TET2: variants seen among roughly 807,000 people sequenced by gnomAD.
TET2 encodes the protein methylcytosine dioxygenase TET2.
Under a neutral mutation model 142.9 loss-of-function variants are expected in TET2, and 299 were observed. The ratio of observed to expected loss-of-function variants is 2.09; its 90% CI spans 1.90 to 2.30. The LOEUF (loss-of-function observed/expected upper bound fraction) is 2.30, where lower values mean the gene tolerates loss of function less well. Ranked by LOEUF, TET2 falls within the 30% of genes most tolerant of loss-of-function variation. The pLI, the probability that TET2 is intolerant of heterozygous loss-of-function variation, is 0.00. For synonymous variants in TET2, 819 were observed against 849.0 expected, an observed-to-expected ratio of 0.96 and a Z score of 0.61; for missense variants, 2,418 against 2,378.0, an observed-to-expected ratio of 1.02 and a Z score of -0.35.
intron 6 of TET2, among the ~76,000 whole-genome samples, chr4:105,250,583 A>T (rs1729823301): frequency 6.6e-6 from 1 of 151,696 alleles, no homozygotes; most frequent in Non-Finnish European, 1.5e-5. Context: ...CAATTTGGAG[A>T]GTATTGATAT....
At chr4:105,162,727 T>A (rs12507519) in intron 1 of TET2, among the ~76,000 whole-genome samples, 5,327 of 152,330 alleles carry the variant, frequency 0.035, 118 homozygotes, top group Admixed American at 0.053. Context: ...TTCTTTTTTT[T>A]AAGTGTTTAT....
intron 10 of TET2, among the ~76,000 whole-genome samples, chr4:105,274,276 G>T (rs1247019559): frequency 6.6e-6 from 1 of 152,172 alleles, no homozygotes; most frequent in Non-Finnish European, 1.5e-5. Context: ...ACTTTTTAAA[G>T]TGAGGTCAAA....
Position 105,258,986 on chromosome 4 carries a change from T to C in TET2, c.3804-633T>C, listed in dbSNP as rs1007838032. Reference sequence around the variant, plus strand: ...TCAATGAAAATGAATAAAGTACAACTACATGCAGTGATTTGGATGGATATC... The same window carrying C: ...TCAATGAAAATGAATAAAGTACAACCACATGCAGTGATTTGGATGGATATC... On this transcript the variant is annotated intron_variant, in intron 6 of 10. Transcript: ENST00000380013. Among the ~76,000 whole-genome samples the C allele has an allele frequency of 3.3e-5, 5 of 152,286 alleles. No homozygotes were observed. The East Asian group carries it at 7.7e-4, about 23-fold the overall frequency.
In TET2 at chr4:105,237,322, AATATG is replaced by A; in HGVS notation, c.3383_3387del (p.Tyr1128PhefsTer12). 1 of 1,614,166 alleles carries A rather than the reference AATATG, an allele frequency of 6.2e-7. No homozygotes were observed. The highest frequency in any genetic ancestry group is 8.5e-7 in the Non-Finnish European group (1 of 1,179,990). On this transcript the variant is annotated frameshift_variant, in exon 3 of 11. Coordinates refer to ENST00000380013, the MANE Select transcript of TET2 (RefSeq NM_001127208.3). LOFTEE classifies it high-confidence loss of function. ...TTATTGGATACACCTGTCAAGACTC[AATATG>A]ATTTCCCATCTTGCAGATGTGTAGG...
intron 8 of TET2, among the ~76,000 whole-genome samples, chr4:105,266,214 C>T (rs2110295218): frequency 1.3e-5 from 2 of 152,224 alleles, no homozygotes; most frequent in Middle Eastern, 6.8e-3. Flanking sequence ...CTTCATAATA[C>T]TATTCATAAT....
intron 6 of TET2, among the ~76,000 whole-genome samples, chr4:105,249,725 T>C (rs988149198): frequency 6.6e-6 from 1 of 152,252 alleles, no homozygotes; most frequent in Non-Finnish European, 1.5e-5. Flanking sequence ...ATTGACCATG[T>C]ATTTTTTTGA....
At chr4:105,262,247 T>C (rs1316580524) in intron 8 of TET2, among the ~76,000 whole-genome samples, 4 of 152,216 alleles carry the variant, frequency 2.6e-5, no homozygotes, top group Non-Finnish European at 5.9e-5. Context: ...CTTACAAATA[T>C]TCACATAAAG....
intron 6 of TET2, among the ~76,000 whole-genome samples, chr4:105,248,681 CT>C (rs1472395150): frequency 5.3e-5 from 8 of 152,202 alleles, no homozygotes; most frequent in Admixed American, 5.2e-4. Context: ...AAAATTTACC[CT>C]TTTAAAGTAT....
chr4:105,267,131 A>C (rs999048800), intron 8 of TET2, among the ~76,000 whole-genome samples: 1 of 152,054 alleles, frequency 6.6e-6, no homozygotes, highest in African/African-American at 2.4e-5. Context: ...AGAAATATAT[A>C]ACCAATGAAA....
At chr4:105,253,935 G>A (rs1156957127) in intron 6 of TET2, among the ~76,000 whole-genome samples, 1 of 152,056 alleles carries the variant, frequency 6.6e-6, no homozygotes, top group Non-Finnish European at 1.5e-5. Flanking sequence ...ATTACCATAT[G>A]ATTTTTCTTT....
chr4:105,265,630 T>C (rs1290333622), intron 8 of TET2, among the ~76,000 whole-genome samples: 1 of 152,196 alleles, frequency 6.6e-6, no homozygotes, highest in Non-Finnish European at 1.5e-5. Flanking sequence ...CAAATACATA[T>C]ATGAATCCAA....
chr4:105,212,596 C>T (rs1727235682), intron 2 of TET2, among the ~76,000 whole-genome samples: 1 of 151,938 alleles, frequency 6.6e-6, no homozygotes, highest in Non-Finnish European at 1.5e-5. Flanking sequence ...TATGGCTGGT[C>T]TATATTTTCT....
In TET2 at chr4:105,236,996, T is replaced by C. The variant is rs752113208; in HGVS notation, c.3054T>C (p.Asn1018=). 3 of 1,614,012 alleles carry C rather than the reference T, an allele frequency of 1.9e-6. No homozygotes were observed. Among genetic ancestry groups the C allele is most frequent in the African/African-American group, 2.7e-5 (2 of 74,924 alleles). ...AGAATCCACCTGCAAGCTGTGATAA[T>C]GTGCAGCAAAAGAGCATCATTGAGA... ...KQENPPASCD[N]VQQKSIIETM... is the part of the protein sequence containing the mutation. Residue 1018 remains asparagine, a synonymous_variant, in exon 3 of 11, where the codon AAT becomes AAC. Coordinates refer to ENST00000380013, the MANE Select transcript of TET2 (RefSeq NM_001127208.3).
chr4:105,153,738 C>T (rs559244950), intron 1 of TET2, among the ~76,000 whole-genome samples: 1 of 152,320 alleles, frequency 6.6e-6, no homozygotes. Context: ...CTTTTAATCA[C>T]TATATTATAC....
chr4:105,246,937 T>C lies in TET2; in HGVS notation c.3803+3159T>C, dbSNP rs1269353474. Among the ~76,000 whole-genome samples, 3 of 152,342 alleles carry C rather than the reference T, an allele frequency of 2.0e-5. No individual in the cohort carries two copies. In the East Asian group the frequency reaches 5.8e-4, roughly 29 times the overall value. ...TCTTTAAAGATTTCCCTTTGAGATTTCCATTTTATGACTAAGTCTAACCAG... is the reference window on the plus strand; with the variant it reads ...TCTTTAAAGATTTCCCTTTGAGATTCCCATTTTATGACTAAGTCTAACCAG... On this transcript the variant is annotated intron_variant, in intron 6 of 10. Transcript: ENST00000380013.
intron 1 of TET2, among the ~76,000 whole-genome samples, chr4:105,158,075 T>A (rs1270011127): frequency 1.3e-5 from 2 of 152,234 alleles, no homozygotes; most frequent in Non-Finnish European, 2.9e-5. Flanking sequence ...CATCAACTAA[T>A]TTTTTAAACA....
At chr4:105,151,900 C>T (rs4699161) in intron 1 of TET2, among the ~76,000 whole-genome samples, 9,183 of 152,096 alleles carry the variant, frequency 0.06, 359 homozygotes, top group Non-Finnish European at 0.087. Context: ...CATGGTGAAA[C>T]CCTGTCTCTA....
At chr4:105,163,850 AGAGAGT>A (rs59015062) in intron 1 of TET2, among the ~76,000 whole-genome samples, 95 of 109,642 alleles carry the variant, frequency 8.7e-4, no homozygotes, top group Admixed American at 1.8e-3. Context: ...AGAGAGAGAG[AGAGAGT>A]GTGTGTGTGT....
intron 6 of TET2, among the ~76,000 whole-genome samples, chr4:105,254,409 C>A (rs985220039): frequency 6.6e-6 from 1 of 152,038 alleles, no homozygotes; most frequent in Non-Finnish European, 1.5e-5. Flanking sequence ...CATAATATTT[C>A]TTTATTATCC....
Sources: allele counts gnomAD v4.1 joint callset (sites outside exome capture counted in the v4.1 genomes callset), GRCh38; gene constraint gnomAD v4.1.1; transcripts MANE v1.5; gene names NCBI Gene and HGNC (gene_info 2026-07-23, HGNC 2026-07-21).